TNFRSF8: variants seen among roughly 807,000 people sequenced by gnomAD.
TNFRSF8 encodes the protein tumor necrosis factor receptor superfamily member 8.
A neutral mutation model predicts 70.8 loss-of-function variants in TNFRSF8; 26 were observed. The observed-to-expected ratio is 0.37, with a 90% CI of 0.27 to 0.51. The LOEUF (loss-of-function observed/expected upper bound fraction) is 0.51. TNFRSF8 is among the 20% of genes least tolerant of loss of function. TNFRSF8 has a pLI of 0.94. For missense variants in TNFRSF8, 720 were observed against 807.9 expected, an observed-to-expected ratio of 0.89 and a Z score of 1.32; for synonymous variants, 356 against 339.2, an observed-to-expected ratio of 1.05 and a Z score of -0.54.
rs3766732 is a variant in TNFRSF8, at chr1:12,141,191, C to T, written c.1544-1096C>T. On this transcript the variant is annotated intron_variant, in intron 14 of 14. Transcript: ENST00000263932. This position sits in a 1 kb window ranked among gnomAD's most constrained non-coding sequence, Gnocchi z 5.4. ...TTCCTGAATCCGAGGGGTATAACTG[C>T]ATTACCCAGAAAGGCAGGGGTCCCT... Among the ~76,000 whole-genome samples, 1,786 of 152,048 alleles carry T rather than the reference C, an allele frequency of 0.012. 54 individuals carry two copies. In the East Asian group the frequency reaches 0.13, roughly 11 times the overall value.
chr1:12,122,834 A>G (rs1434787727), intron 8 of TNFRSF8, among the ~76,000 whole-genome samples: 1 of 151,766 alleles, frequency 6.6e-6, no homozygotes, highest in African/African-American at 2.4e-5. Flanking sequence ...CAACTTCTCC[A>G]CTTTGTTTTA....
chr1:12,111,962 C>T lies in TNFRSF8; in HGVS notation c.741C>T (p.Asp247=). Residue 247 remains aspartate (D), a synonymous_variant, in exon 7 of 15, where the codon GAC becomes GAT. Transcript: ENST00000263932. ...SGDCRKQCEP[D]YYLDEAGRCT... ...ATTGCAGAAAGCAGTGTGAGCCCGA[C>T]TACTACCTGGACGAGGCCGGCCGCT... 1 of 1,614,238 alleles carries T rather than the reference C, an allele frequency of 6.2e-7. No individual in the cohort carries two copies. The highest frequency in any genetic ancestry group is 8.5e-7 in the Non-Finnish European group (1 of 1,180,034).
intron 2 of TNFRSF8, 87 bp downstream of exon 2, chr1:12,084,638 T>C: frequency 1.6e-6 from 2 of 1,252,946 alleles, no homozygotes. Context: ...GTGGGGAAAT[T>C]GGAGCCAACC....
intron 1 of TNFRSF8, among the ~76,000 whole-genome samples, chr1:12,074,144 C>T (rs552408689): frequency 1.4e-4 from 21 of 152,196 alleles, no homozygotes; most frequent in South Asian, 4.2e-4. Flanking sequence ...TTGCTAAATT[C>T]GGACTCAAGG....
In TNFRSF8 at chr1:12,109,530, A is replaced by C; in HGVS notation, c.422-36A>C. ...TATTCCGGGAGACTTTGGGTCCCCA[A>C]CACTGATTCTGAAGGCACTGCTGTC... is the stretch of plus-strand genomic sequence containing the variant. On this transcript the variant is annotated intron_variant, in intron 4 of 14. Transcript: ENST00000263932. This position sits in a 1 kb window ranked among gnomAD's most constrained non-coding sequence, Gnocchi z 4.4. 1 of 1,583,352 alleles carries C rather than the reference A, an allele frequency of 6.3e-7. No individual in the cohort carries two copies. Among genetic ancestry groups the C allele is most frequent in the Non-Finnish European group, 8.7e-7 (1 of 1,153,802 alleles).
chr1:12,123,137 C>T (rs1641862030), intron 8 of TNFRSF8, 147 bp from the exon 9 acceptor site: 5 of 661,746 alleles, frequency 7.6e-6, no homozygotes, highest in Non-Finnish European at 1.0e-5. Context: ...CCAGCTTTTC[C>T]ACTTTGATCT....
chr1:12,069,426 C>T (rs1055774278), intron 1 of TNFRSF8, among the ~76,000 whole-genome samples: 6 of 151,696 alleles, frequency 4.0e-5, no homozygotes, highest in South Asian at 2.1e-4. Flanking sequence ...CGAGCCCCCC[C>T]GCCTCAGCCT....
In TNFRSF8 at chr1:12,126,009, C is replaced by T. The variant is rs1023655164; in HGVS notation, c.1212C>T (p.Phe404=). The change falls in exon 11 of 15, where the codon TTC becomes TTT. Residue 404 remains phenylalanine (F), a synonymous_variant. Coordinates refer to ENST00000263932, the MANE Select transcript of TNFRSF8 (RefSeq NM_001243.5). ...VLVVVVGSSA[F]LLCHRRACRK... ...TTGTGGTGGTCGGCTCCAGCGCCTT[C>T]CTCCTGTGCCACCGGAGGGCCTGCA... The T allele has an allele frequency of 6.2e-7, 1 of 1,613,928 alleles. No individual in the cohort carries two copies. Among genetic ancestry groups the T allele is most frequent in the Non-Finnish European group, 8.5e-7 (1 of 1,179,950 alleles).
intron 12 of TNFRSF8, among the ~76,000 whole-genome samples, chr1:12,128,833 C>CTTTTT (rs60878706): frequency 0.073 from 8,193 of 111,594 alleles, 738 homozygotes; most frequent in South Asian, 0.15. Flanking sequence ...GTCTAAAATT[C>CTTTTT]TTTTTTTTTT....
At position 12,138,318 on chromosome 1, in the gene TNFRSF8, G is replaced by A. The variant is rs755207420; in HGVS notation, c.1425G>A (p.Val475=). 1.9e-6 allele frequency: 3 copies of A among 1,613,670 alleles called. No homozygotes were observed. Among genetic ancestry groups the A allele is most frequent in the South Asian group, 1.1e-5 (1 of 91,084 alleles). The change falls in exon 14 of 15, where the codon GTG becomes GTA. Residue 475 remains valine, a synonymous_variant. Coordinates refer to ENST00000263932, the MANE Select transcript of TNFRSF8 (RefSeq NM_001243.5). This position sits in a 1 kb window ranked among gnomAD's most constrained non-coding sequence, Gnocchi z 5.7. The part of the protein sequence containing the change: ...SQPLMETCHS[V]GAAYLESLPL... Reference sequence around the variant, plus strand: ...CACTGATGGAGACCTGCCACAGCGTGGGGGCAGCCTACCTGGAGAGCCTGC... The same window carrying A: ...CACTGATGGAGACCTGCCACAGCGTAGGGGCAGCCTACCTGGAGAGCCTGC...
rs974475889 is a variant in TNFRSF8 at position 12,084,321 on chromosome 1, G to A, written c.64-143G>A. 18 of 743,902 alleles carry A rather than the reference G, an allele frequency of 2.4e-5. No individual in the cohort carries two copies. The East Asian group carries it at 4.6e-4, about 19-fold the overall frequency. The allele number at this position is 743,902 out of a possible 1,614,324, so 46.1% of individuals were successfully genotyped here. ...GCAGGGGGAAGCGTAAGGGCGGTGT[G>A]GGTTTGTGGAATCAGGAGTTCTCGT... is the stretch of plus-strand genomic sequence containing the variant. On this transcript the variant is annotated intron_variant, in intron 1 of 14. Coordinates refer to ENST00000263932, the MANE Select transcript of TNFRSF8 (RefSeq NM_001243.5).
At position 12,088,448 on chromosome 1, in the gene TNFRSF8, G is replaced by A. The variant is rs1641192167; in HGVS notation, c.151+3897G>A. ...CAGCCGGGCCGTGAACATGACCACC[G>A]AGTGCAGTCTCCTGAGCTCTTCAAC... On this transcript the variant is annotated intron_variant, in intron 2 of 14. Coordinates refer to ENST00000263932, the MANE Select transcript of TNFRSF8 (RefSeq NM_001243.5). This position sits in a 1 kb window ranked among gnomAD's most constrained non-coding sequence, Gnocchi z 4.0. Among the ~76,000 whole-genome samples, 1 of 152,124 alleles carries A rather than the reference G, an allele frequency of 6.6e-6. No homozygotes were observed. Among genetic ancestry groups the A allele is most frequent in the Non-Finnish European group, 1.5e-5 (1 of 68,012 alleles).
In TNFRSF8 at chr1:12,080,508, T is replaced by C. The variant is rs59644080; in HGVS notation, c.64-3956T>C. 4.8e-3 allele frequency: 2,396 copies of C among 498,614 alleles called. 46 individuals carry two copies. Among genetic ancestry groups the C allele is most frequent in the African/African-American group, 0.043 (2,174 of 51,070 alleles). The allele number at this position is 498,614 out of a possible 1,614,324, so 30.9% of individuals were successfully genotyped here. ...AACTTGATAGCAGAGTGGTCGAGCT[T>C]GTTTCTCCTGGGAACGCTCTTTCGA... On this transcript the variant is annotated intron_variant, in intron 1 of 14. Coordinates refer to ENST00000263932, the MANE Select transcript of TNFRSF8 (RefSeq NM_001243.5).
At chr1:12,074,722 C>A (rs1372874929) in intron 1 of TNFRSF8, among the ~76,000 whole-genome samples, 1 of 152,186 alleles carries the variant, frequency 6.6e-6, no homozygotes, top group African/African-American at 2.4e-5. Context: ...ATCAAAGGTT[C>A]TGAGAAGCCC....
rs60948050 is a variant in TNFRSF8, at chr1:12,066,656, A to AT, written c.63+3004dup. On this transcript the variant is annotated intron_variant, in intron 1 of 14. Coordinates refer to ENST00000263932, the MANE Select transcript of TNFRSF8 (RefSeq NM_001243.5). ...GCGTGAGCCACCGCCCCCGGCCTAA[A>AT]TTTTTTTTTATTTTTTGGGACAGTC... Among the ~76,000 whole-genome samples, 5 of 144,264 alleles carry AT rather than the reference A, an allele frequency of 3.5e-5. No homozygotes were observed. In the East Asian group the frequency reaches 6.2e-4, roughly 18 times the overall value. The allele number at this position is 144,264 out of a possible 152,430, so 94.6% of individuals were successfully genotyped here.
chr1:12,124,670 A>G (rs1641897998), intron 10 of TNFRSF8, among the ~76,000 whole-genome samples: 1 of 151,972 alleles, frequency 6.6e-6, no homozygotes, highest in Admixed American at 6.6e-5. Context: ...AAAAATACAA[A>G]AATTAGCCAG....
chr1:12,126,251 G>A lies in TNFRSF8; in HGVS notation c.1309+15G>A, dbSNP rs11569914. 3,519 of 1,614,050 alleles carry A rather than the reference G, an allele frequency of 2.2e-3. 64 individuals carry two copies. In the African/African-American group the frequency reaches 0.041, roughly 19 times the overall value. ...AGAGCTTGTGGGTGAGTGTCCAGCC[G>A]TCCAAAGGGGCTGCCCGAGCCAGAG... On this transcript the variant is annotated intron_variant, in intron 12 of 14. Coordinates refer to ENST00000263932, the MANE Select transcript of TNFRSF8 (RefSeq NM_001243.5).
Position 12,087,022 on chromosome 1 carries a change from G to A in TNFRSF8, c.151+2471G>A, listed in dbSNP as rs116813903. Among the ~76,000 whole-genome samples, 475 of 148,796 alleles carry A rather than the reference G, an allele frequency of 3.2e-3. 4 individuals are homozygous for A. Among genetic ancestry groups the A allele is most frequent in the African/African-American group, 0.01 (420 of 40,236 alleles). On this transcript the variant is annotated intron_variant, in intron 2 of 14. Transcript: ENST00000263932. ...CCCTCCAATTATCCTCCCATTCACC[G>A]CCCCCATCCATACACCCACCCCTCT... is the stretch of plus-strand genomic sequence containing the variant.
intron 1 of TNFRSF8, chr1:12,080,269 G>T: frequency 1.9e-6 from 1 of 520,596 alleles, no homozygotes; most frequent in South Asian, 1.4e-5. Flanking sequence ...CAGTTTTGTT[G>T]GCAACATCCA....
Sources: allele counts gnomAD v4.1 joint callset (sites outside exome capture counted in the v4.1 genomes callset), GRCh38; gene constraint gnomAD v4.1.1; non-coding constraint Gnocchi (gnomAD v3.1); transcripts MANE v1.5; gene names NCBI Gene and HGNC (gene_info 2026-07-23, HGNC 2026-07-21).